KIF21B: variants seen among roughly 807,000 people sequenced by gnomAD.
KIF21B encodes kinesin family member 21B, also known as kinesin-like protein KIF21B.
In KIF21B, 85 loss-of-function variants were observed where a neutral mutation model predicts 192.9. The observed-to-expected ratio is 0.44, with a 90% CI of 0.37 to 0.53. The LOEUF (loss-of-function observed/expected upper bound fraction) is 0.53, where lower values mean the gene tolerates loss of function less well. KIF21B is among the 20% of genes least tolerant of loss of function. The pLI is 0.00. For synonymous variants in KIF21B, 832 were observed against 884.6 expected, an observed-to-expected ratio of 0.94 and a Z score of 1.05; for missense variants, 1,716 against 2,194.8, an observed-to-expected ratio of 0.78 and a Z score of 4.36.
At chr1:200,981,442 C>T (rs914966172) in intron 28 of KIF21B, among the ~76,000 whole-genome samples, 5 of 152,104 alleles carry the variant, frequency 3.3e-5, no homozygotes, top group African/African-American at 9.7e-5. Context: ...GATGTGAATG[C>T]GCCCGGGTCC....
intron 6 of KIF21B, 110 bp from the exon 7 acceptor site, chr1:201,004,565 T>G: frequency 8.7e-7 from 1 of 1,153,660 alleles, no homozygotes; most frequent in Non-Finnish European, 1.3e-6. Context: ...CCAGCAGCCC[T>G]CTTGCTCCTT....
chr1:201,004,460 G>T lies in KIF21B; in HGVS notation c.901-5C>A. Reference sequence around the variant, plus strand: ...GATCACATTGCCCAAGGCCAGCTGTGGGAGACAGACCCTGGCACTCAGCAG... The same window carrying T: ...GATCACATTGCCCAAGGCCAGCTGTTGGAGACAGACCCTGGCACTCAGCAG... On this transcript the variant is annotated splice_polypyrimidine_tract_variant and splice_region_variant and intron_variant, in intron 6 of 34. Coordinates refer to ENST00000461742, the MANE Select transcript of KIF21B (RefSeq NM_001252102.2). 6.4e-7 allele frequency: 1 copy of T among 1,563,928 alleles called. No individual in the cohort carries two copies. Among genetic ancestry groups the T allele is most frequent in the East Asian group, 2.3e-5 (1 of 42,834 alleles).
intron 26 of KIF21B, among the ~76,000 whole-genome samples, chr1:200,985,994 C>T (rs1242486284): frequency 1.3e-5 from 2 of 151,214 alleles, no homozygotes; most frequent in African/African-American, 4.9e-5. Flanking sequence ...TACAGGTGCA[C>T]ACCACCACGC....
intron 34 of KIF21B, chr1:200,974,201 G>C: frequency 6.5e-7 from 1 of 1,544,556 alleles, no homozygotes; most frequent in Non-Finnish European, 8.7e-7. Flanking sequence ...GTCACTGTGT[G>C]GGGAGAGAGG....
At chr1:201,009,780 G>A (rs989161289) in intron 1 of KIF21B, among the ~76,000 whole-genome samples, 2 of 152,170 alleles carry the variant, frequency 1.3e-5, no homozygotes, top group Admixed American at 6.5e-5. Flanking sequence ...ATAAACTTGT[G>A]AGGTACCTAT....
At position 200,999,905 on chromosome 1, in the gene KIF21B, G is replaced by A. The variant is rs553956181; in HGVS notation, c.1745C>T (p.Thr582Met). The change falls in exon 12 of 35, where the codon ACG (threonine) becomes ATG (methionine). Residue 582 changes from threonine to methionine, a missense_variant. This residue lies in a region of KIF21B where 1,087 missense variants were observed against 1,316.6 expected (regional missense o/e 0.83). Transcript: ENST00000461742. The surrounding 1 kb of genome is among the most constrained non-coding windows in gnomAD (Gnocchi z 4.7). ...AKLQQENSEE[T>M]DENEAEEEEE... is the part of the protein sequence containing the mutation. ...CACCTCCTCCGCCTCGTTCTCATCCGTCTCCTCGCTGTTCTCCTGTTGGAG... is the reference window on the plus strand; with the variant it reads ...CACCTCCTCCGCCTCGTTCTCATCCATCTCCTCGCTGTTCTCCTGTTGGAG... The A allele has an allele frequency of 8.1e-6, 13 of 1,613,872 alleles. No individual in the cohort carries two copies. The highest frequency in any genetic ancestry group is 4.0e-5 in the African/African-American group (3 of 75,052).
At chr1:201,003,840 T>C in intron 7 of KIF21B, 59 bp from the exon 8 acceptor site, 2 of 1,561,650 alleles carry the variant, frequency 1.3e-6, no homozygotes, top group South Asian at 1.1e-5. Flanking sequence ...CCAGAAGCAT[T>C]GCCTCAGGGT....
At chr1:200,976,921 G>T (rs1047567470) in intron 31 of KIF21B, 28 bp from the exon 32 acceptor site, 1 of 1,546,662 alleles carries the variant, frequency 6.5e-7, no homozygotes, top group South Asian at 1.1e-5. Context: ...CCAGCCAGGG[G>T]TAGGTGAATT....
At position 200,998,508 on chromosome 1, in the gene KIF21B, G is replaced by C; in HGVS notation, c.1953C>G (p.Asp651Glu). 6.2e-7 allele frequency: 1 copy of C among 1,614,004 alleles called. No individual in the cohort carries two copies. Among genetic ancestry groups the C allele is most frequent in the Non-Finnish European group, 8.5e-7 (1 of 1,180,030 alleles). The change falls in exon 14 of 35, where the codon GAC becomes GAG. Residue 651 changes from aspartate (D) to glutamate (E), a missense_variant. Physicochemically the swap from Asp to Glu is conservative, Grantham distance 45. Coordinates refer to ENST00000461742, the MANE Select transcript of KIF21B (RefSeq NM_001252102.2). This position sits in a 1 kb window ranked among gnomAD's most constrained non-coding sequence, Gnocchi z 4.3. Reference protein sequence around the residue: ...CEIEIKQKLIDELENSQRRLQ... With the variant: ...CEIEIKQKLIEELENSQRRLQ... ...ACCGCCGCTGGCTGTTCTCCAGCTC[G>C]TCGATCAGCTTCTGCTTGATTTCGA...
At chr1:200,981,829 G>A (rs1318782947) in intron 28 of KIF21B, among the ~76,000 whole-genome samples, 2 of 152,188 alleles carry the variant, frequency 1.3e-5, no homozygotes, top group Non-Finnish European at 1.5e-5. Flanking sequence ...GATGCTAGGG[G>A]AGCGAGAAGG....
Position 200,987,095 on chromosome 1 carries a change from ACGAGGGAGG to A in KIF21B, c.3506_3514del (p.Ala1169_Leu1171del). 6.2e-7 allele frequency: 1 copy of A among 1,613,806 alleles called. No homozygotes were observed. Among genetic ancestry groups the A allele is most frequent in the Non-Finnish European group, 8.5e-7 (1 of 1,179,934 alleles). On this transcript the variant is annotated inframe_deletion, in exon 25 of 35. Transcript: ENST00000461742. The stretch of plus-strand genomic sequence containing the variant: ...GCCCACTCCGTCCTCTTTGATCTCA[ACGAGGGAGG>A]CCAGGGACTTGGTGATGTTCTTGGT...
chr1:200,974,969 G>A lies in KIF21B; in HGVS notation c.4615-56C>T, dbSNP rs1480291777. The A allele has an allele frequency of 3.9e-6, 6 of 1,539,978 alleles. No individual in the cohort carries two copies. The African/African-American group carries it at 4.1e-5, about 10-fold the overall frequency. ...GGGGAGGTGATGAGGGAGAGAACCTGCCCCAGGGCCCCTCTTGCTAGTAGT... is the reference window on the plus strand; with the variant it reads ...GGGGAGGTGATGAGGGAGAGAACCTACCCCAGGGCCCCTCTTGCTAGTAGT... On this transcript the variant is annotated intron_variant, in intron 33 of 34. Coordinates refer to ENST00000461742, the MANE Select transcript of KIF21B (RefSeq NM_001252102.2).
chr1:200,996,833 A>G (rs1657100494), intron 14 of KIF21B, among the ~76,000 whole-genome samples: 1 of 152,178 alleles, frequency 6.6e-6, no homozygotes, highest in African/African-American at 2.4e-5. Context: ...CTCTCCTACC[A>G]GAACTACCAA....
chr1:201,000,308 G>A lies in KIF21B; in HGVS notation c.1685+82C>T. 1 of 1,346,250 alleles carries A rather than the reference G, an allele frequency of 7.4e-7. No homozygotes were observed. Among genetic ancestry groups the A allele is most frequent in the Non-Finnish European group, 1.0e-6 (1 of 992,548 alleles). 83.4% of individuals were successfully genotyped at this position (1,346,250 alleles called of 1,614,324 possible). On this transcript the variant is annotated intron_variant, in intron 11 of 34. Transcript: ENST00000461742. The surrounding 1 kb of genome is among the most constrained non-coding windows in gnomAD (Gnocchi z 6.0). ...GGAGGTTCCCTCCTAAACACTGGTG[G>A]GCAGCAGTCCTCCTTGGGGACGGGC...
In KIF21B at chr1:201,012,233, T is replaced by C. The variant is rs1658273473; in HGVS notation, c.42-2745A>G. Among the ~76,000 whole-genome samples the C allele has an allele frequency of 2.0e-5, 3 of 152,078 alleles. No individual in the cohort carries two copies. The South Asian group carries it at 6.2e-4, about 32-fold the overall frequency. ...CCAGACTGCTTTGCCAGGGTGCAGG[T>C]GAGCATGCCTGAGCAGTGTCACCCA... On this transcript the variant is annotated intron_variant, in intron 1 of 34. Coordinates refer to ENST00000461742, the MANE Select transcript of KIF21B (RefSeq NM_001252102.2).
chr1:200,992,867 C>T (rs1571935128), intron 15 of KIF21B, among the ~76,000 whole-genome samples: 1 of 152,212 alleles, frequency 6.6e-6, no homozygotes, highest in Non-Finnish European at 1.5e-5. Flanking sequence ...TTTACTGAGA[C>T]CCAGCTGTAT....
chr1:201,002,031 A>G, intron 9 of KIF21B, 130 bp downstream of exon 9: 1 of 747,888 alleles, frequency 1.3e-6, no homozygotes, highest in Non-Finnish European at 2.2e-6. Flanking sequence ...CAAGTGAAAA[A>G]AAATGCATAA....
Position 201,000,343 on chromosome 1 carries a change from T to C in KIF21B, c.1685+47A>G, listed in dbSNP as rs746965843. 19 of 1,506,618 alleles carry C rather than the reference T, an allele frequency of 1.3e-5. No individual in the cohort carries two copies. Among genetic ancestry groups the C allele is most frequent in the Non-Finnish European group, 1.5e-5 (17 of 1,132,396 alleles). The allele number at this position is 1,506,618 out of a possible 1,614,324, so 93.3% of individuals were successfully genotyped here. ...CTCCTTGGGGACGGGCAGGGTCCAC[T>C]GGGGCGGTCTGAGGGCTCTCAGGGG... is the stretch of plus-strand genomic sequence containing the variant. On this transcript the variant is annotated intron_variant, in intron 11 of 34. Coordinates refer to ENST00000461742, the MANE Select transcript of KIF21B (RefSeq NM_001252102.2). This position sits in a 1 kb window ranked among gnomAD's most constrained non-coding sequence, Gnocchi z 6.0.
intron 27 of KIF21B, among the ~76,000 whole-genome samples, chr1:200,984,573 C>T (rs963848948): frequency 6.6e-6 from 1 of 152,204 alleles, no homozygotes; most frequent in Non-Finnish European, 1.5e-5. Context: ...CCTCAGGCAC[C>T]GGCCCCATGC....
Sources: gnomAD v4.1 joint callset for allele counts (sites outside exome capture counted in the v4.1 genomes callset) on GRCh38, gnomAD v4.1.1 for gene constraint, gnomAD v4.1.1 regional missense constraint, Gnocchi (gnomAD v3.1) non-coding constraint, MANE v1.5 for transcripts, NCBI Gene and HGNC (gene_info 2026-07-23, HGNC 2026-07-21) for gene names.